Variants in OPCML observed in about 807,000 individuals in gnomAD.
The protein encoded by OPCML is opioid binding protein/cell adhesion molecule like, also known as opioid-binding protein/cell adhesion molecule.
A neutral mutation model predicts 37.8 loss-of-function variants in OPCML; 13 were observed. The ratio of observed to expected loss-of-function variants is 0.34; its 90% CI spans 0.22 to 0.55. OPCML has a LOEUF of 0.55. Ranked by LOEUF, OPCML falls within the 20% of genes least tolerant of loss-of-function variation. OPCML has a pLI of 0.91. For missense variants in OPCML, 341 were observed against 435.6 expected (o/e 0.78, Z 1.93); for synonymous variants, 176 against 168.8 (o/e 1.04, Z -0.33).
intron 1 of OPCML, among the ~76,000 whole-genome samples, chr11:133,218,858 G>A (rs946238923): frequency 1.3e-5 from 2 of 152,156 alleles, no homozygotes; most frequent in Non-Finnish European, 2.9e-5. Context: ...CCTTACTAGA[G>A]GCAGGAGAAT....
intron 1 of OPCML, among the ~76,000 whole-genome samples, chr11:133,255,983 C>T (rs1490893982): frequency 6.6e-6 from 1 of 152,096 alleles, no homozygotes; most frequent in Non-Finnish European, 1.5e-5. Context: ...GTATGTATAA[C>T]CTAATTTATT....
intron 1 of OPCML, among the ~76,000 whole-genome samples, chr11:133,225,413 C>T (rs189523991): frequency 6.6e-6 from 1 of 152,302 alleles, no homozygotes; most frequent in Admixed American, 6.5e-5. Flanking sequence ...CAACCCTCGG[C>T]CCGTGACCTG....
rs1950314656 is a variant in OPCML, at chr11:133,173,419, A to G, written c.62-230409T>C. 6.6e-6 allele frequency among the ~76,000 whole-genome samples: 1 copy of G among 152,202 alleles called. No homozygotes were observed. Among genetic ancestry groups the G allele is most frequent in the African/African-American group, 2.4e-5 (1 of 41,438 alleles). Reference sequence around the variant, plus strand: ...GTATGTTGCACACTGTAAGAACTTAAAAGAATAATAAATCGAGTGAACAAA... The same window carrying G: ...GTATGTTGCACACTGTAAGAACTTAGAAGAATAATAAATCGAGTGAACAAA... On this transcript the variant is annotated intron_variant, in intron 1 of 7. Transcript: ENST00000524381. The surrounding 1 kb of genome is among the most constrained non-coding windows in gnomAD (Gnocchi z 7.8).
intron 2 of OPCML, among the ~76,000 whole-genome samples, chr11:132,868,231 G>A (rs1384465024): frequency 2.0e-5 from 3 of 150,336 alleles, no homozygotes; most frequent in Non-Finnish European, 4.4e-5. Context: ...GAAATGATGA[G>A]AGGAATGGAA....
intron 1 of OPCML, among the ~76,000 whole-genome samples, chr11:133,247,472 A>T (rs1266780143): frequency 6.6e-6 from 1 of 152,066 alleles, no homozygotes; most frequent in African/African-American, 2.4e-5. Flanking sequence ...ATAAATATAC[A>T]GTTTTTATTG....
chr11:132,641,959 C>A (rs1940875918), intron 3 of OPCML, among the ~76,000 whole-genome samples: 1 of 152,184 alleles, frequency 6.6e-6, no homozygotes, highest in Non-Finnish European at 1.5e-5. Flanking sequence ...GTGTGTACCA[C>A]AGCTACCGAC....
At chr11:133,168,085 T>C (rs1478844884) in intron 1 of OPCML, among the ~76,000 whole-genome samples, 1 of 152,200 alleles carries the variant, frequency 6.6e-6, no homozygotes, top group Non-Finnish European at 1.5e-5. Context: ...GATTCAGTGA[T>C]CCAATGATGT....
At position 132,655,891 on chromosome 11, in the gene OPCML, G is replaced by A. The variant is rs151026270; in HGVS notation, c.379+1196C>T. Among the ~76,000 whole-genome samples, 288 of 145,246 alleles carry A rather than the reference G, an allele frequency of 2.0e-3. 3 individuals are homozygous for A. The highest frequency in any genetic ancestry group is 6.8e-3 in the African/African-American group (268 of 39,142). ...TTTTTTTTTTTTTTAAATCAGAGAT[G>A]AGGAATCTATCTTAGCTAAGCAAGG... On this transcript the variant is annotated intron_variant, in intron 3 of 7. Coordinates refer to ENST00000524381, the MANE Select transcript of OPCML (RefSeq NM_001012393.5).
intron 2 of OPCML, among the ~76,000 whole-genome samples, chr11:132,680,790 T>C (rs1334211929): frequency 6.6e-6 from 1 of 152,204 alleles, no homozygotes; most frequent in Non-Finnish European, 1.5e-5. Context: ...CTTGAATCAC[T>C]CTGGCGGTTG....
chr11:132,943,227 A>C lies in OPCML; in HGVS notation c.62-217T>G, dbSNP rs1467148374. ...TTCGCCAGGAGCAGGGGGAAGGAGA[A>C]GAGAGGAGTCCGGGCTCTCCGGAGT... On this transcript the variant is annotated intron_variant, in intron 1 of 7. Coordinates refer to ENST00000524381, the MANE Select transcript of OPCML (RefSeq NM_001012393.5). This position sits in a 1 kb window ranked among gnomAD's most constrained non-coding sequence, Gnocchi z 4.3. 1.5e-6 allele frequency: 2 copies of C among 1,333,072 alleles called. No homozygotes were observed. The highest frequency in any genetic ancestry group is 2.5e-5 in the East Asian group (1 of 40,686). The allele number at this position is 1,333,072 out of a possible 1,614,324, so 82.6% of individuals were successfully genotyped here. A position where few individuals can be genotyped will look rare whatever the true frequency, so the allele number is the denominator to read the frequency against.
intron 2 of OPCML, among the ~76,000 whole-genome samples, chr11:132,800,737 T>C (rs1409473525): frequency 2.6e-4 from 40 of 152,214 alleles, no homozygotes; most frequent in Non-Finnish European, 4.4e-5. Flanking sequence ...TTACCTTTCA[T>C]GCTTGGGACA....
In OPCML at chr11:132,910,954, G is replaced by T. The variant is rs567322699; in HGVS notation, c.146+31972C>A. ...AACTAGAAAGATGTTGGAATGCAAGGGTGAAAAGAATGATGGAGATCATTT... is the reference window on the plus strand; with the variant it reads ...AACTAGAAAGATGTTGGAATGCAAGTGTGAAAAGAATGATGGAGATCATTT... On this transcript the variant is annotated intron_variant, in intron 2 of 7. Coordinates refer to ENST00000524381, the MANE Select transcript of OPCML (RefSeq NM_001012393.5). 4.6e-5 allele frequency among the ~76,000 whole-genome samples: 7 copies of T among 152,252 alleles called. No homozygotes were observed. In the South Asian group the frequency reaches 1.5e-3, roughly 32 times the overall value.
At chr11:132,749,327 T>C (rs1045488789) in intron 2 of OPCML, among the ~76,000 whole-genome samples, 3 of 152,082 alleles carry the variant, frequency 2.0e-5, no homozygotes, top group South Asian at 2.1e-4. Context: ...CTGTAAGATA[T>C]AAAAGGAAAG....
intron 1 of OPCML, among the ~76,000 whole-genome samples, chr11:133,060,104 T>G (rs1273646703): frequency 1.3e-5 from 2 of 152,036 alleles, no homozygotes; most frequent in African/African-American, 4.8e-5. Context: ...CTACTAAACT[T>G]CAAAAAATGG....
intron 1 of OPCML, among the ~76,000 whole-genome samples, chr11:132,986,580 C>G (rs1192256291): frequency 6.6e-6 from 1 of 152,096 alleles, no homozygotes; most frequent in African/African-American, 2.4e-5. Context: ...ACTCAATAAA[C>G]AGTTTTGAAT....
At chr11:132,836,381 C>G (rs1441122294) in intron 2 of OPCML, among the ~76,000 whole-genome samples, 1 of 152,108 alleles carries the variant, frequency 6.6e-6, no homozygotes, top group Non-Finnish European at 1.5e-5. Context: ...CTCTAGTAGC[C>G]CGGTGTGACT....
intron 1 of OPCML, among the ~76,000 whole-genome samples, chr11:133,113,355 C>A (rs4376912): frequency 6.6e-6 from 1 of 151,944 alleles, no homozygotes; most frequent in Non-Finnish European, 1.5e-5. Context: ...ACTCAGTCTT[C>A]TATTTACCTA....
At chr11:132,732,086 G>A (rs1945096782) in intron 2 of OPCML, among the ~76,000 whole-genome samples, 1 of 152,172 alleles carries the variant, frequency 6.6e-6, no homozygotes, top group Admixed American at 6.5e-5. Flanking sequence ...ATGTTTTGGA[G>A]GAGATGGGGA....
At chr11:132,502,405 C>T (rs537401052) in intron 4 of OPCML, among the ~76,000 whole-genome samples, 5 of 152,322 alleles carry the variant, frequency 3.3e-5, no homozygotes, top group African/African-American at 9.6e-5. Context: ...CACCAATGTG[C>T]CAGTTCTCCC....
Sources: gnomAD v4.1 joint callset for allele counts (sites outside exome capture counted in the v4.1 genomes callset) on GRCh38, gnomAD v4.1.1 for gene constraint, Gnocchi (gnomAD v3.1) non-coding constraint, MANE v1.5 for transcripts, NCBI Gene and HGNC (gene_info 2026-07-23, HGNC 2026-07-21) for gene names.